FRYL: variants seen among roughly 807,000 people sequenced by gnomAD.
The protein encoded by FRYL is protein furry homolog-like.
A neutral mutation model predicts 351.2 loss-of-function variants in FRYL; 150 were observed. That is an observed-to-expected ratio of 0.43 (90% CI 0.37 to 0.49). FRYL has a LOEUF of 0.49. FRYL is among the 20% of genes least tolerant of loss of function. The pLI is 0.00. For missense variants in FRYL, 3,036 were observed against 3,619.3 expected, an observed-to-expected ratio of 0.84 and a Z score of 4.13; for synonymous variants, 1,153 against 1,257.1, an observed-to-expected ratio of 0.92 and a Z score of 1.75.
At chr4:48,736,851 AAAAAAAAAAAAAAAAAAAAG>A (rs1017428590) in intron 1 of FRYL, among the ~76,000 whole-genome samples, 3 of 57,234 alleles carry the variant, frequency 5.2e-5, no homozygotes, top group Admixed American at 2.8e-4. Flanking sequence ...CTCTGTCTCG[AAAAAAAAAAAAAAAAAAAAG>A]AAAAAAGAAA....
chr4:48,634,144 G>T, intron 4 of FRYL, 147 bp downstream of exon 4: 1 of 601,622 alleles, frequency 1.7e-6, no homozygotes, highest in Non-Finnish European at 2.9e-6. Flanking sequence ...TTATCAAAGT[G>T]GATTCTAAAG....
rs1725229035 is a variant in FRYL, at chr4:48,522,946, T to C, written c.7476A>G (p.Glu2492=). 6.2e-7 allele frequency: 1 copy of C among 1,614,050 alleles called. No homozygotes were observed. Among genetic ancestry groups the C allele is most frequent in the Non-Finnish European group, 8.5e-7 (1 of 1,179,942 alleles). ...TCTGGCTTGCTGTAAGTGCCGCTTC[T>C]TCTTCCGAGGACTCATCTGTATCCT... ...NQEDTDESSE[E]EAALTASQIL... is the part of the protein sequence containing the mutation. The change falls in exon 54 of 64, where the codon GAA becomes GAG. Residue 2492 remains glutamate, a synonymous_variant. Coordinates refer to ENST00000358350, the MANE Select transcript of FRYL (RefSeq NM_015030.2).
chr4:48,723,092 G>T (rs1578836233), intron 1 of FRYL, among the ~76,000 whole-genome samples: 2 of 150,134 alleles, frequency 1.3e-5, no homozygotes, highest in Admixed American at 6.6e-5. Flanking sequence ...GTTTTTTTTT[G>T]TTTGTTTTGT....
At chr4:48,737,777 C>T (rs1771608679) in intron 1 of FRYL, among the ~76,000 whole-genome samples, 1 of 152,088 alleles carries the variant, frequency 6.6e-6, no homozygotes. Flanking sequence ...TACACTACAA[C>T]CAAGGTATTT....
intron 28 of FRYL, 62 bp from the exon 29 acceptor site, chr4:48,565,753 C>T (rs190009839): frequency 1.3e-6 from 2 of 1,484,424 alleles, no homozygotes; most frequent in East Asian, 4.6e-5. Context: ...ACTTTTATAC[C>T]AACATGTTAT....
At chr4:48,686,279 A>G (rs1765143640) in intron 2 of FRYL, among the ~76,000 whole-genome samples, 1 of 152,234 alleles carries the variant, frequency 6.6e-6, no homozygotes, top group East Asian at 1.9e-4. Flanking sequence ...CACAGGCATA[A>G]TCAATTAAAT....
Position 48,523,095 on chromosome 4 carries a change from T to C in FRYL, c.7327A>G (p.Met2443Val), listed in dbSNP as rs1361962521. 1 of 1,612,564 alleles carries C rather than the reference T, an allele frequency of 6.2e-7. No homozygotes were observed. The change falls in exon 54 of 64, where the codon ATG becomes GTG. Residue 2443 changes from methionine to valine, a missense_variant. Around this residue, in one of 7 missense-constraint regions of FRYL, gnomAD observed 1,987 missense variants for 2,311.7 expected, o/e 0.86. Coordinates refer to ENST00000358350, the MANE Select transcript of FRYL (RefSeq NM_015030.2). ...VELEDAEGES[M>V]DNFNWGVRRR... ...CGAACTCCCCAGTTGAAATTGTCCATACTTTCACCCTGGAAAAGCAAGACA... is the reference window on the plus strand; with the variant it reads ...CGAACTCCCCAGTTGAAATTGTCCACACTTTCACCCTGGAAAAGCAAGACA...
chr4:48,733,035 G>C (rs746417736), intron 1 of FRYL, among the ~76,000 whole-genome samples: 12 of 151,996 alleles, frequency 7.9e-5, no homozygotes, highest in Non-Finnish European at 1.6e-4. Flanking sequence ...CAGCACTTTG[G>C]GAGGCCAAGA....
intron 3 of FRYL, among the ~76,000 whole-genome samples, chr4:48,654,440 A>G (rs369849781): frequency 6.6e-6 from 1 of 152,226 alleles, no homozygotes; most frequent in Non-Finnish European, 1.5e-5. Context: ...TGATTTTCTC[A>G]GCATGTTTGT....
chr4:48,519,084 G>A, intron 55 of FRYL, among the ~76,000 whole-genome samples: 1 of 152,176 alleles, frequency 6.6e-6, no homozygotes, highest in East Asian at 1.9e-4. Flanking sequence ...TCTCTTGAAA[G>A]GATAAAAATT....
intron 1 of FRYL, among the ~76,000 whole-genome samples, chr4:48,779,834 T>G (rs1405573751): frequency 6.6e-6 from 1 of 150,492 alleles, no homozygotes; most frequent in Non-Finnish European, 1.5e-5. Flanking sequence ...GGGCGGGCTT[T>G]CGGTTGAGGC....
At chr4:48,747,884 A>G (rs530015322) in intron 1 of FRYL, among the ~76,000 whole-genome samples, 58 of 152,350 alleles carry the variant, frequency 3.8e-4, no homozygotes, top group African/African-American at 1.3e-3. Flanking sequence ...TAAAAGTGCT[A>G]TTTTAAGAGG....
chr4:48,537,434 T>C (rs937158232), intron 47 of FRYL, among the ~76,000 whole-genome samples: 5 of 152,188 alleles, frequency 3.3e-5, no homozygotes, highest in African/African-American at 1.2e-4. Flanking sequence ...AGAAAAATAT[T>C]TGTCCTAAGT....
chr4:48,720,228 C>T lies in FRYL; in HGVS notation c.-383-9530G>A, dbSNP rs1041297630. On this transcript the variant is annotated intron_variant, in intron 1 of 63. Transcript: ENST00000358350. Reference sequence around the variant, plus strand: ...AAATGTACATTAAGGCTGGGCATGGCGGCTCATGCCTGTAATCCCAGCACT... The same window carrying T: ...AAATGTACATTAAGGCTGGGCATGGTGGCTCATGCCTGTAATCCCAGCACT... Among the ~76,000 whole-genome samples, 4 of 147,708 alleles carry T rather than the reference C, an allele frequency of 2.7e-5. 1 individual carries two copies. The highest frequency in any genetic ancestry group is 6.0e-5 in the Non-Finnish European group (4 of 66,874).
At chr4:48,526,063 A>G (rs1726142700) in intron 53 of FRYL, among the ~76,000 whole-genome samples, 1 of 151,730 alleles carries the variant, frequency 6.6e-6, no homozygotes, top group Admixed American at 6.6e-5. Context: ...ATGAGAGTTG[A>G]TGAATGTGTA....
intron 1 of FRYL, among the ~76,000 whole-genome samples, chr4:48,751,143 T>A (rs1773214356): frequency 6.6e-6 from 1 of 152,114 alleles, no homozygotes; most frequent in African/African-American, 2.4e-5. Flanking sequence ...TCCACACAGA[T>A]ACTAAAATCA....
chr4:48,581,169 G>A (rs908899984), intron 21 of FRYL, among the ~76,000 whole-genome samples: 1 of 151,552 alleles, frequency 6.6e-6, no homozygotes, highest in Non-Finnish European at 1.5e-5. Context: ...AGCCTCCCGA[G>A]TAGCTGGACT....
At chr4:48,769,718 C>T (rs570553186) in intron 1 of FRYL, among the ~76,000 whole-genome samples, 10 of 152,294 alleles carry the variant, frequency 6.6e-5, no homozygotes, top group African/African-American at 2.4e-4. Context: ...TACTCTGCTA[C>T]GTTCATACAA....
chr4:48,767,848 CA>C (rs1424042489), intron 1 of FRYL, among the ~76,000 whole-genome samples: 1 of 152,166 alleles, frequency 6.6e-6, no homozygotes, highest in Non-Finnish European at 1.5e-5. Context: ...GCTACGGGTC[CA>C]TTCTCCAGTC....
Sources: allele counts gnomAD v4.1 joint callset (sites outside exome capture counted in the v4.1 genomes callset), GRCh38; gene constraint gnomAD v4.1.1; regional missense constraint gnomAD v4.1.1; transcripts MANE v1.5; gene names NCBI Gene and HGNC (gene_info 2026-07-23, HGNC 2026-07-21).